Variants in ADGRV1 observed in about 807,000 individuals in gnomAD.
ADGRV1 encodes adhesion G protein-coupled receptor V1.
A neutral mutation model predicts 596.2 loss-of-function variants in ADGRV1; 359 were observed. The observed-to-expected ratio is 0.60, with a 90% CI of 0.55 to 0.66. The LOEUF (loss-of-function observed/expected upper bound fraction) is 0.66. Ranked by LOEUF, ADGRV1 falls within the 30% of genes least tolerant of loss-of-function variation. ADGRV1 has a pLI of 0.00. For synonymous variants in ADGRV1, 2,681 were observed against 2,679.2 expected (o/e 1.00, Z -0.02); for missense variants, 7,274 against 7,575.6 (o/e 0.96, Z 1.48).
chr5:91,067,370 C>T (rs1014447814), intron 85 of ADGRV1, among the ~76,000 whole-genome samples: 4 of 151,864 alleles, frequency 2.6e-5, no homozygotes, highest in Non-Finnish European at 4.4e-5. Flanking sequence ...CTTGAACTCC[C>T]GACCTCAGGT....
chr5:90,665,352 G>A (rs965661347), intron 21 of ADGRV1, among the ~76,000 whole-genome samples: 7 of 151,782 alleles, frequency 4.6e-5, no homozygotes, highest in African/African-American at 1.7e-4. Flanking sequence ...GAGAGTGTAT[G>A]TGTTGAGGAA....
At chr5:90,830,827 G>C (rs1764459971) in intron 77 of ADGRV1, among the ~76,000 whole-genome samples, 1 of 152,120 alleles carries the variant, frequency 6.6e-6, no homozygotes, top group South Asian at 2.1e-4. Context: ...AATGAGATTG[G>C]CGTGTAAATC....
Position 90,774,257 on chromosome 5 carries a change from C to A in ADGRV1, c.12357C>A (p.Thr4119=). 6.2e-7 allele frequency: 1 copy of A among 1,608,968 alleles called. No individual in the cohort carries two copies. Among genetic ancestry groups the A allele is most frequent in the Non-Finnish European group, 8.5e-7 (1 of 1,175,610 alleles). The change falls in exon 60 of 90, where the codon ACC becomes ACA. Residue 4119 remains threonine, a synonymous_variant. Transcript: ENST00000405460. ...TGTTGGAGGAGGACAGGCGTTTCAC[C>A]ATTCAGCTGATATCAATTGATGAGG... ...DTVLEEDRRF[T]IQLISIDEVE... is the part of the protein sequence containing the mutation.
chr5:90,889,925 T>C (rs1025968601), intron 83 of ADGRV1, among the ~76,000 whole-genome samples: 1 of 152,140 alleles, frequency 6.6e-6, no homozygotes, highest in African/African-American at 2.4e-5. Flanking sequence ...TTCTCTTACT[T>C]GAGAGACTTT....
chr5:91,075,373 C>T (rs964708526), intron 86 of ADGRV1, among the ~76,000 whole-genome samples: 4 of 152,118 alleles, frequency 2.6e-5, no homozygotes, highest in African/African-American at 7.2e-5. Context: ...AGGGGCCTAA[C>T]ATAGTGACTT....
At chr5:90,748,948 G>A (rs1206687382) in intron 52 of ADGRV1, among the ~76,000 whole-genome samples, 1 of 151,954 alleles carries the variant, frequency 6.6e-6, no homozygotes. Flanking sequence ...GTCATTCTGT[G>A]GGAGAGGCAG....
chr5:90,913,727 A>G (rs560275248), intron 83 of ADGRV1, among the ~76,000 whole-genome samples: 1 of 152,198 alleles, frequency 6.6e-6, no homozygotes, highest in Non-Finnish European at 1.5e-5. Context: ...ATCACAAAGT[A>G]TGAAGTTTCT....
intron 84 of ADGRV1, among the ~76,000 whole-genome samples, chr5:90,967,648 C>T (rs546786760): frequency 6.6e-6 from 1 of 152,224 alleles, no homozygotes; most frequent in African/African-American, 2.4e-5. Flanking sequence ...AATTGCTTAT[C>T]AGATATGTAC....
intron 58 of ADGRV1, among the ~76,000 whole-genome samples, chr5:90,760,315 C>A (rs1756380089): frequency 1.3e-5 from 2 of 151,886 alleles, no homozygotes; most frequent in Non-Finnish European, 2.9e-5. Flanking sequence ...CTTCATTACC[C>A]TTCATGTATG....
At chr5:90,741,858 T>C (rs1169300273) in intron 50 of ADGRV1, among the ~76,000 whole-genome samples, 2 of 152,200 alleles carry the variant, frequency 1.3e-5, no homozygotes, top group African/African-American at 2.4e-5. Flanking sequence ...TTATTTTGAA[T>C]GTGTCAAATA....
At chr5:90,901,770 C>T (rs76956760) in intron 83 of ADGRV1, among the ~76,000 whole-genome samples, 1,690 of 152,152 alleles carry the variant, frequency 0.011, 36 homozygotes, top group African/African-American at 0.038. Flanking sequence ...GTTCAACTGA[C>T]GTCAACTTCT....
intron 42 of ADGRV1, among the ~76,000 whole-genome samples, chr5:90,712,649 G>C (rs191721016): frequency 9.2e-5 from 14 of 152,128 alleles, no homozygotes; most frequent in Admixed American, 3.9e-4. Context: ...AAAGTAGGTT[G>C]ATACTACAGA....
chr5:90,753,611 C>T lies in ADGRV1; in HGVS notation c.11159C>T (p.Thr3720Ile). The T allele has an allele frequency of 6.2e-7, 1 of 1,611,364 alleles. No individual in the cohort carries two copies. Among genetic ancestry groups the T allele is most frequent in the Non-Finnish European group, 8.5e-7 (1 of 1,177,626 alleles). The change falls in exon 54 of 90, where the codon ACT (threonine) becomes ATT (isoleucine). Residue 3720 changes from threonine to isoleucine, a missense_variant. By Grantham distance (89) the Thr-to-Ile change is moderately conservative. Coordinates refer to ENST00000405460, the MANE Select transcript of ADGRV1 (RefSeq NM_032119.4). Reference sequence around the variant, plus strand: ...GAAGGCCAGGTACTGTCAACAATCACTCTAACTATTCTTGCTGATAATATA... The same window carrying T: ...GAAGGCCAGGTACTGTCAACAATCATTCTAACTATTCTTGCTGATAATATA... Reference protein sequence around the residue: ...FTEGQVLSTITLTILADNIPE... With the variant: ...FTEGQVLSTIILTILADNIPE...
chr5:90,689,533 T>G lies in ADGRV1; in HGVS notation c.6491-328T>G, dbSNP rs114237625. Among the ~76,000 whole-genome samples the G allele has an allele frequency of 2.3e-3, 345 of 152,166 alleles. 5 individuals are homozygous for G. The highest frequency in any genetic ancestry group is 8.1e-3 in the African/African-American group (336 of 41,508). On this transcript the variant is annotated intron_variant, in intron 29 of 89. Coordinates refer to ENST00000405460, the MANE Select transcript of ADGRV1 (RefSeq NM_032119.4). ...GTTCTTTTTTCTAAAAGTACACATT[T>G]TTTTCTTGTAGTTAAGGGGGCCTAT...
intron 22 of ADGRV1, among the ~76,000 whole-genome samples, chr5:90,673,537 T>C (rs1440820241): frequency 2.0e-5 from 3 of 152,140 alleles, no homozygotes; most frequent in African/African-American, 7.2e-5. Flanking sequence ...CAGAAAGTTA[T>C]TGCTCGCAGT....
intron 18 of ADGRV1, 26 bp from the exon 19 acceptor site, chr5:90,652,320 T>G: frequency 6.6e-7 from 1 of 1,504,866 alleles, no homozygotes; most frequent in South Asian, 1.3e-5. Flanking sequence ...TCACTACTTA[T>G]AAATTTTCTT....
At chr5:90,667,122 G>C (rs1425155524) in intron 21 of ADGRV1, among the ~76,000 whole-genome samples, 1 of 150,640 alleles carries the variant, frequency 6.6e-6, no homozygotes, top group Non-Finnish European at 1.5e-5. Flanking sequence ...TATCTTTGTG[G>C]CGTTCTCTGT....
At chr5:91,047,515 G>T (rs969175315) in intron 85 of ADGRV1, among the ~76,000 whole-genome samples, 3 of 152,154 alleles carry the variant, frequency 2.0e-5, no homozygotes, top group African/African-American at 7.2e-5. Context: ...GGCTAAGCCA[G>T]TCTCATCTTT....
At chr5:90,951,479 A>T (rs1777057705) in intron 83 of ADGRV1, among the ~76,000 whole-genome samples, 1 of 149,606 alleles carries the variant, frequency 6.7e-6, no homozygotes, top group Non-Finnish European at 1.5e-5. Context: ...CTAGTAACTA[A>T]AATTTTATTT....
Sources: gnomAD v4.1 joint callset for allele counts (sites outside exome capture counted in the v4.1 genomes callset) on GRCh38, gnomAD v4.1.1 for gene constraint, MANE v1.5 for transcripts, NCBI Gene and HGNC (gene_info 2026-07-23, HGNC 2026-07-21) for gene names.